Variants in ASTN2 observed in about 807,000 individuals in gnomAD.
ASTN2 encodes astrotactin 2, also known as astrotactin-2.
Under a neutral mutation model 139.8 loss-of-function variants are expected in ASTN2, and 54 were observed. The observed-to-expected ratio is 0.39, with a 90% CI of 0.31 to 0.48. The LOEUF is 0.48. ASTN2 is among the 20% of genes least tolerant of loss of function. The pLI is 0.95. For missense variants in ASTN2, 1,565 were observed against 1,725.1 expected (o/e 0.91, Z 1.64); for synonymous variants, 756 against 719.5 (o/e 1.05, Z -0.81).
chr9:116,538,744 C>G (rs1473087405), intron 19 of ASTN2, among the ~76,000 whole-genome samples: 4 of 152,118 alleles, frequency 2.6e-5, no homozygotes, highest in Non-Finnish European at 5.9e-5. Context: ...TGATGCCATA[C>G]AGTTTCCATC....
intron 3 of ASTN2, among the ~76,000 whole-genome samples, chr9:117,165,706 G>A (rs1830655807): frequency 6.6e-6 from 1 of 152,064 alleles, no homozygotes; most frequent in African/African-American, 2.4e-5. Flanking sequence ...GTGGCAAAAT[G>A]TCATCCTCTT....
intron 1 of ASTN2, among the ~76,000 whole-genome samples, chr9:117,389,303 A>T (rs899940482): frequency 6.6e-6 from 1 of 152,148 alleles, no homozygotes; most frequent in African/African-American, 2.4e-5. Flanking sequence ...TTTGAAGGAG[A>T]TGGGAACACA....
At chr9:116,915,361 T>C (rs754423365) in intron 10 of ASTN2, among the ~76,000 whole-genome samples, 1 of 152,162 alleles carries the variant, frequency 6.6e-6, no homozygotes, top group Non-Finnish European at 1.5e-5. Flanking sequence ...GTGGACATAA[T>C]AAGAACTATG....
chr9:116,730,799 T>G (rs1018901221), intron 14 of ASTN2, among the ~76,000 whole-genome samples: 6 of 152,150 alleles, frequency 3.9e-5, no homozygotes, highest in African/African-American at 1.4e-4. Context: ...ACAAAACAAA[T>G]TTAAAAACTC....
At chr9:117,385,161 A>T (rs1830365022) in intron 1 of ASTN2, among the ~76,000 whole-genome samples, 1 of 152,186 alleles carries the variant, frequency 6.6e-6, no homozygotes, top group Admixed American at 6.5e-5. Flanking sequence ...AGTACACATC[A>T]TGCCTATTAA....
At chr9:117,045,111 C>T (rs886815856) in intron 5 of ASTN2, among the ~76,000 whole-genome samples, 1 of 152,078 alleles carries the variant, frequency 6.6e-6, no homozygotes, top group African/African-American at 2.4e-5. Flanking sequence ...TGTTCAAATC[C>T]TGGCTTACCC....
chr9:116,580,425 T>C (rs1182047536), intron 19 of ASTN2, among the ~76,000 whole-genome samples: 2 of 152,090 alleles, frequency 1.3e-5, no homozygotes, highest in East Asian at 1.9e-4. Flanking sequence ...TGGGAGAACA[T>C]TGATCAGGGG....
At chr9:116,669,366 A>G (rs541207043) in intron 16 of ASTN2, among the ~76,000 whole-genome samples, 10 of 152,298 alleles carry the variant, frequency 6.6e-5, no homozygotes, top group Admixed American at 6.5e-4. Context: ...ACACTTCAAT[A>G]AAAGTTGCTA....
At chr9:117,369,448 T>C (rs1408205670) in intron 1 of ASTN2, among the ~76,000 whole-genome samples, 3 of 152,092 alleles carry the variant, frequency 2.0e-5, no homozygotes, top group Non-Finnish European at 2.9e-5. Flanking sequence ...GCAATACCCA[T>C]TTCATATGGT....
chr9:117,240,609 C>G (rs116496868), intron 2 of ASTN2, among the ~76,000 whole-genome samples: 7 of 152,116 alleles, frequency 4.6e-5, no homozygotes, highest in African/African-American at 1.7e-4. Flanking sequence ...AGTGCGGGTA[C>G]TATAAATTCA....
At chr9:116,897,935 A>T (rs1354872011) in intron 10 of ASTN2, among the ~76,000 whole-genome samples, 2 of 151,882 alleles carry the variant, frequency 1.3e-5, no homozygotes, top group African/African-American at 4.9e-5. Flanking sequence ...GAGAGCTGGG[A>T]CAAAGACTAG....
chr9:116,517,618 G>A (rs1850705384), intron 19 of ASTN2, among the ~76,000 whole-genome samples: 1 of 152,174 alleles, frequency 6.6e-6, no homozygotes, highest in South Asian at 2.1e-4. Context: ...CATAAAAGAT[G>A]ATACTGGTTC....
intron 13 of ASTN2, among the ~76,000 whole-genome samples, chr9:116,759,656 G>A (rs1829624498): frequency 6.6e-6 from 1 of 152,118 alleles, no homozygotes; most frequent in South Asian, 2.1e-4. Context: ...CAAGAAGCCT[G>A]ACGTGATCAC....
intron 1 of ASTN2, among the ~76,000 whole-genome samples, chr9:117,328,735 C>T (rs1828602607): frequency 6.6e-6 from 1 of 152,168 alleles, no homozygotes; most frequent in Non-Finnish European, 1.5e-5. Flanking sequence ...AGGACTAGAA[C>T]ATGGGGCCTT....
chr9:116,782,304 A>G (rs1288542211), intron 13 of ASTN2, among the ~76,000 whole-genome samples: 1 of 152,190 alleles, frequency 6.6e-6, no homozygotes, highest in Non-Finnish European at 1.5e-5. Context: ...CAATATTATG[A>G]CAGTCCCCAA....
At chr9:116,547,638 C>G (rs146769975) in intron 19 of ASTN2, 1 of 152,184 alleles carries the variant, frequency 6.6e-6, no homozygotes, top group African/African-American at 2.4e-5. Flanking sequence ...TGTGAAGAAC[C>G]TGTATCAGTT....
At chr9:116,816,678 A>T (rs1831337753) in intron 12 of ASTN2, among the ~76,000 whole-genome samples, 1 of 152,114 alleles carries the variant, frequency 6.6e-6, no homozygotes. Context: ...ACAGACAGGA[A>T]TGCAGGTAAA....
At position 116,911,555 on chromosome 9, in the gene ASTN2, G is replaced by A. The variant is rs984523359; in HGVS notation, c.1890-47822C>T. 1.1e-4 allele frequency among the ~76,000 whole-genome samples: 16 copies of A among 152,288 alleles called. No individual in the cohort carries two copies. In the East Asian group the frequency reaches 3.1e-3, roughly 29 times the overall value. ...ATTTAATTAATTGTACAGCACCAAT[G>A]CTGGTTTCTTAGTTTTTACAACTGT... On this transcript the variant is annotated intron_variant, in intron 10 of 22. Transcript: ENST00000313400.
chr9:117,082,919 C>A (rs750820338), intron 5 of ASTN2, among the ~76,000 whole-genome samples: 16 of 152,210 alleles, frequency 1.1e-4, no homozygotes, highest in Non-Finnish European at 1.6e-4. Flanking sequence ...TTGGCCACCT[C>A]TCGTCCATAT....
Sources: gnomAD v4.1 joint callset for allele counts (sites outside exome capture counted in the v4.1 genomes callset) on GRCh38, gnomAD v4.1.1 for gene constraint, MANE v1.5 for transcripts, NCBI Gene and HGNC (gene_info 2026-07-23, HGNC 2026-07-21) for gene names.